The following NEGR1 variants were observed in gnomAD, a reference collection of about 807,000 sequenced individuals.
NEGR1 encodes the protein neuronal growth regulator 1.
In NEGR1, 10 loss-of-function variants were observed where a neutral mutation model predicts 40.9. The observed-to-expected ratio is 0.24, with a 90% CI of 0.15 to 0.42. The LOEUF (loss-of-function observed/expected upper bound fraction) is 0.42. NEGR1 is among the 10% of genes least tolerant of loss of function. The pLI, the probability that NEGR1 is intolerant of heterozygous loss-of-function variation, is 1.00. For missense variants in NEGR1, 352 were observed against 438.9 expected (o/e 0.80, Z 1.77); for synonymous variants, 185 against 166.8 (o/e 1.11, Z -0.84).
chr1:71,637,499 C>T (rs1351029948), intron 4 of NEGR1, among the ~76,000 whole-genome samples: 1 of 151,484 alleles, frequency 6.6e-6, no homozygotes, highest in African/African-American at 2.4e-5. Context: ...ATCATGCAAC[C>T]CTATTTCTAT....
At chr1:71,414,868 A>G (rs1462109440) in intron 6 of NEGR1, among the ~76,000 whole-genome samples, 1 of 152,160 alleles carries the variant, frequency 6.6e-6, no homozygotes, top group African/African-American at 2.4e-5. Context: ...AGAGGTAAAC[A>G]TACCATGGTC....
intron 2 of NEGR1, among the ~76,000 whole-genome samples, chr1:71,822,183 G>A (rs1350648): frequency 6.6e-6 from 1 of 151,680 alleles, no homozygotes; most frequent in Admixed American, 6.6e-5. Flanking sequence ...AAGTGGCACA[G>A]AAAGTAGCCA....
At chr1:72,260,821 T>C (rs779905061) in intron 1 of NEGR1, among the ~76,000 whole-genome samples, 1 of 152,142 alleles carries the variant, frequency 6.6e-6, no homozygotes, top group Non-Finnish European at 1.5e-5. Context: ...GACATTTACA[T>C]GCAGATTGCA....
chr1:71,638,555 G>A (rs148732277), intron 4 of NEGR1, among the ~76,000 whole-genome samples: 1 of 152,172 alleles, frequency 6.6e-6, no homozygotes, highest in East Asian at 1.9e-4. Context: ...CATCAATTGA[G>A]CATGTAGTCT....
intron 1 of NEGR1, among the ~76,000 whole-genome samples, chr1:71,983,856 T>C (rs1187500303): frequency 1.3e-5 from 2 of 152,200 alleles, no homozygotes; most frequent in African/African-American, 2.4e-5. Context: ...TTTCTATTCA[T>C]AACTTGAAAA....
At chr1:72,199,476 T>C (rs2100444153) in intron 1 of NEGR1, among the ~76,000 whole-genome samples, 1 of 152,114 alleles carries the variant, frequency 6.6e-6, no homozygotes, top group East Asian at 1.9e-4. Flanking sequence ...GACTGTGCAA[T>C]TAGAGACACT....
intron 3 of NEGR1, among the ~76,000 whole-genome samples, chr1:71,730,152 G>C (rs555702102): frequency 6.6e-6 from 1 of 151,956 alleles, no homozygotes; most frequent in African/African-American, 2.4e-5. Context: ...AAACAACCTT[G>C]AGTCATTAGT....
At chr1:71,651,255 T>A (rs935324433) in intron 4 of NEGR1, among the ~76,000 whole-genome samples, 3 of 152,124 alleles carry the variant, frequency 2.0e-5, no homozygotes, top group African/African-American at 7.2e-5. Context: ...GAGAGTCTGT[T>A]TGGTAGAGTG....
chr1:71,940,270 C>T (rs1570532086), intron 1 of NEGR1, among the ~76,000 whole-genome samples: 1 of 152,038 alleles, frequency 6.6e-6, no homozygotes, highest in African/African-American at 2.4e-5. Flanking sequence ...ATCCTTTAAT[C>T]GAGTATGGCA....
chr1:72,172,671 C>T (rs1570077177), intron 1 of NEGR1, among the ~76,000 whole-genome samples: 1 of 152,176 alleles, frequency 6.6e-6, no homozygotes, highest in African/African-American at 2.4e-5. Flanking sequence ...ACAACACAAA[C>T]ATTGCAGTTA....
chr1:72,154,869 G>C (rs1651301777), intron 1 of NEGR1, among the ~76,000 whole-genome samples: 1 of 151,848 alleles, frequency 6.6e-6, no homozygotes, highest in Admixed American at 6.6e-5. Flanking sequence ...GAACAGGGTA[G>C]ATAAAAGATG....
chr1:72,274,580 G>A, intron 1 of NEGR1: 1 of 772,196 alleles, frequency 1.3e-6, no homozygotes, highest in Non-Finnish European at 2.4e-6. Context: ...TCTTTGGCAA[G>A]ATATGGCGAA....
At chr1:71,664,041 A>G (rs1303434530) in intron 4 of NEGR1, among the ~76,000 whole-genome samples, 3 of 152,232 alleles carry the variant, frequency 2.0e-5, no homozygotes, top group Non-Finnish European at 2.9e-5. Context: ...TTTTAGTTCA[A>G]TGATGGAAAC....
intron 6 of NEGR1, among the ~76,000 whole-genome samples, chr1:71,478,485 T>C (rs960495506): frequency 5.3e-5 from 8 of 152,056 alleles, no homozygotes; most frequent in Non-Finnish European, 1.2e-4. Flanking sequence ...TTCTTTCCTT[T>C]GGCCTTCTTA....
In NEGR1 at chr1:71,948,282, G is replaced by A. The variant is rs1269209869; in HGVS notation, c.177-12971C>T. ...ACTAAATTCTATGGGCTTGAATATC[G>A]TTTGTATTTAGTCAATATTTATGTA... On this transcript the variant is annotated intron_variant, in intron 1 of 6. Transcript: ENST00000357731. Among the ~76,000 whole-genome samples, 8 of 151,992 alleles carry A rather than the reference G, an allele frequency of 5.3e-5. No individual in the cohort carries two copies. In the South Asian group the frequency reaches 1.5e-3, roughly 28 times the overall value.
chr1:71,970,637 G>A (rs1171364572), intron 1 of NEGR1, among the ~76,000 whole-genome samples: 3 of 151,996 alleles, frequency 2.0e-5, no homozygotes, highest in Non-Finnish European at 2.9e-5. Flanking sequence ...TCAGTGAGCC[G>A]AGATAGTGCC....
chr1:71,777,642 A>T (rs962650126), intron 2 of NEGR1, among the ~76,000 whole-genome samples: 1 of 152,040 alleles, frequency 6.6e-6, no homozygotes, highest in African/African-American at 2.4e-5. Flanking sequence ...GGGTTTCTTT[A>T]TGCAAGAGAC....
intron 1 of NEGR1, among the ~76,000 whole-genome samples, chr1:72,239,271 A>C (rs1054813903): frequency 6.6e-6 from 1 of 151,832 alleles, no homozygotes; most frequent in African/African-American, 2.4e-5. Context: ...AAGTATATCA[A>C]ACTGCAAATA....
chr1:72,160,600 A>G (rs1029624129), intron 1 of NEGR1, among the ~76,000 whole-genome samples: 3 of 152,154 alleles, frequency 2.0e-5, no homozygotes, highest in African/African-American at 7.2e-5. Context: ...TAATAATTCT[A>G]ATTTCCAATA....
Sources: allele counts gnomAD v4.1 joint callset (sites outside exome capture counted in the v4.1 genomes callset), GRCh38; gene constraint gnomAD v4.1.1; transcripts MANE v1.5; gene names NCBI Gene and HGNC (gene_info 2026-07-23, HGNC 2026-07-21).